RC3H2: variants seen among roughly 807,000 people sequenced by gnomAD.
RC3H2 encodes the protein ring finger and CCCH-type domains 2.
RC3H2 carries 31 observed loss-of-function variants against 133.3 expected under a neutral mutation model. The ratio of observed to expected loss-of-function variants is 0.23; its 90% CI spans 0.17 to 0.31. The LOEUF (loss-of-function observed/expected upper bound fraction) is 0.31, where lower values mean the gene tolerates loss of function less well. RC3H2 is among the 10% of genes least tolerant of loss of function. RC3H2 has a pLI of 1.00. For missense variants in RC3H2, 1,175 were observed against 1,437.2 expected (o/e 0.82, Z 2.95); for synonymous variants, 517 against 502.2 (o/e 1.03, Z -0.40).
chr9:122,890,329 C>T lies in RC3H2; in HGVS notation c.566G>A (p.Cys189Tyr). The change falls in exon 4 of 21, where the codon TGC becomes TAC. Residue 189 changes from cysteine to tyrosine, a missense_variant. Physicochemically the swap from Cys to Tyr is radical, Grantham distance 194 (BLOSUM62 -2). Around this residue, in one of 8 missense-constraint regions of RC3H2, gnomAD observed 121 missense variants for 243.5 expected, o/e 0.50. Coordinates refer to ENST00000357244, the MANE Select transcript of RC3H2 (RefSeq NM_001100588.3). Reference protein sequence around the residue: ...NLWAAVRARGCQFLGPAMQEE... With the variant: ...NLWAAVRARGYQFLGPAMQEE... ...TATCTTACCTGGCCCTAAAAACTGG[C>T]ATCCTCGAGCCCTGACAGCGGCCCA... 2 of 1,614,108 alleles carry T rather than the reference C, an allele frequency of 1.2e-6. No individual in the cohort carries two copies. The highest frequency in any genetic ancestry group is 1.7e-6 in the Non-Finnish European group (2 of 1,180,000).
chr9:122,848,646 T>G lies in RC3H2; in HGVS notation c.*981A>C, dbSNP rs534449913. 2.6e-5 allele frequency: 4 copies of G among 152,252 alleles called. No homozygotes were observed. The highest frequency in any genetic ancestry group is 2.6e-4 in the Admixed American group (4 of 15,296). The allele number at this position is 152,252 out of a possible 1,614,324, so 9.4% of individuals were successfully genotyped here. On this transcript the variant is annotated 3_prime_UTR_variant, in exon 21 of 21. Coordinates refer to ENST00000357244, the MANE Select transcript of RC3H2 (RefSeq NM_001100588.3). ...ATAATGCAATGAACAACCAAATTAATTAGTTTAAATTAAAAACCCAGCAAT... is the reference window on the plus strand; with the variant it reads ...ATAATGCAATGAACAACCAAATTAAGTAGTTTAAATTAAAAACCCAGCAAT...
chr9:122,862,897 A>C (rs1176504172), intron 10 of RC3H2, among the ~76,000 whole-genome samples: 1 of 151,970 alleles, frequency 6.6e-6, no homozygotes, highest in Non-Finnish European at 1.5e-5. Flanking sequence ...ATCTCAAAAA[A>C]AAAAAAAAAA....
rs1203719970 is a variant in RC3H2, at chr9:122,848,583, C to T, written c.*1044G>A. ...CAGTCAAAAAACAAGAAAAACTAAA[C>T]CCCAACATGAAGTAACAATAAACAA... On this transcript the variant is annotated 3_prime_UTR_variant, in exon 21 of 21. Transcript: ENST00000357244. The T allele has an allele frequency of 6.6e-6, 1 of 152,114 alleles. No homozygotes were observed. The allele number at this position is 152,114 out of a possible 1,614,324, so 9.4% of individuals were successfully genotyped here. A position where few individuals can be genotyped will look rare whatever the true frequency, so the allele number is the denominator to read the frequency against.
chr9:122,896,268 T>A (rs1450592146), intron 2 of RC3H2, among the ~76,000 whole-genome samples: 1 of 152,206 alleles, frequency 6.6e-6, no homozygotes, highest in South Asian at 2.1e-4. Flanking sequence ...CATTGGTTTT[T>A]GGTTTTCCAT....
chr9:122,861,133 T>C (rs1830439408), intron 10 of RC3H2, among the ~76,000 whole-genome samples: 1 of 152,194 alleles, frequency 6.6e-6, no homozygotes, highest in Non-Finnish European at 1.5e-5. Flanking sequence ...AAAAGAATTT[T>C]CTTGGTTGAG....
chr9:122,879,520 G>A (rs1217942796), intron 8 of RC3H2, among the ~76,000 whole-genome samples: 1 of 152,108 alleles, frequency 6.6e-6, no homozygotes, highest in Non-Finnish European at 1.5e-5. Context: ...ATCTACATTT[G>A]GTCAAAAATA....
At chr9:122,856,185 AAAGT>A (rs1198859916) in intron 13 of RC3H2, among the ~76,000 whole-genome samples, 2 of 152,196 alleles carry the variant, frequency 1.3e-5, no homozygotes, top group Admixed American at 6.5e-5. Flanking sequence ...AAGAAAAAAA[AAAGT>A]AAGAGAAAAC....
rs1481597917 is a variant in RC3H2, at chr9:122,905,351, T to A, written c.-309A>T. The A allele has an allele frequency of 1.1e-6, 1 of 934,244 alleles. No homozygotes were observed. The highest frequency in any genetic ancestry group is 1.3e-6 in the Non-Finnish European group (1 of 783,194). 57.9% of individuals were successfully genotyped at this position (934,244 alleles called of 1,614,324 possible). ...CTCCTCCTCACCACGGAGGCGGACC[T>A]GGAGGGATCCCGATCTAGCTCTCGC... On this transcript the variant is annotated 5_prime_UTR_variant, in exon 1 of 21. Transcript: ENST00000357244.
At chr9:122,892,686 C>T (rs1278657452) in intron 3 of RC3H2, among the ~76,000 whole-genome samples, 1 of 152,154 alleles carries the variant, frequency 6.6e-6, no homozygotes, top group African/African-American at 2.4e-5. Flanking sequence ...GCTGGGATTA[C>T]AGGGGTGAGC....
chr9:122,886,836 A>T (rs1466231409), intron 4 of RC3H2, among the ~76,000 whole-genome samples: 1 of 152,192 alleles, frequency 6.6e-6, no homozygotes, highest in African/African-American at 2.4e-5. Context: ...AGAAATGTCT[A>T]TTCAAGTTAT....
rs2131371572 is a variant in RC3H2, at chr9:122,845,010, C to A, written c.*4617G>T. On this transcript the variant is annotated 3_prime_UTR_variant, in exon 21 of 21. Coordinates refer to ENST00000357244, the MANE Select transcript of RC3H2 (RefSeq NM_001100588.3). ...AAATCCATCTTAGAGATGGTGCCTG[C>A]TTTTTACATGATGGGTGTACACCAT... 1 of 152,248 alleles carries A rather than the reference C, an allele frequency of 6.6e-6. No homozygotes were observed. 9.4% of individuals were successfully genotyped at this position (152,248 alleles called of 1,614,324 possible).
chr9:122,892,114 T>A (rs976905158), intron 3 of RC3H2, among the ~76,000 whole-genome samples: 4 of 137,804 alleles, frequency 2.9e-5, no homozygotes, highest in Admixed American at 2.2e-4. Context: ...CTCTGGTAAA[T>A]TTTTTTTTTT....
Position 122,846,536 on chromosome 9 carries a change from T to A in RC3H2, c.*3091A>T, listed in dbSNP as rs1407878832. 1 of 152,168 alleles carries A rather than the reference T, an allele frequency of 6.6e-6. No homozygotes were observed. The highest frequency in any genetic ancestry group is 1.5e-5 in the Non-Finnish European group (1 of 68,016). The allele number at this position is 152,168 out of a possible 1,614,324, so 9.4% of individuals were successfully genotyped here. A position where few individuals can be genotyped will look rare whatever the true frequency, so the allele number is the denominator to read the frequency against. ...AAAAAAACTGATGCTACAACCACAG[T>A]AACTGAATGCGGCACATGGATTTCA... On this transcript the variant is annotated 3_prime_UTR_variant, in exon 21 of 21. Transcript: ENST00000357244.
At chr9:122,896,709 T>C (rs1241456540) in intron 2 of RC3H2, among the ~76,000 whole-genome samples, 2 of 152,106 alleles carry the variant, frequency 1.3e-5, no homozygotes, top group Admixed American at 1.3e-4. Context: ...GCAAAAGTAA[T>C]TGCAGTTTTT....
At chr9:122,878,182 G>A (rs1165672957) in intron 8 of RC3H2, among the ~76,000 whole-genome samples, 2 of 152,202 alleles carry the variant, frequency 1.3e-5, no homozygotes, top group African/African-American at 2.4e-5. Flanking sequence ...AATATTTTAA[G>A]TTATAATATC....
chr9:122,873,636 C>T (rs1406770170), intron 9 of RC3H2: 2 of 151,776 alleles, frequency 1.3e-5, no homozygotes, highest in Non-Finnish European at 2.9e-5. Context: ...TCCCCTGAGC[C>T]TGGGAGGCAG....
chr9:122,852,296 C>T (rs1280505876), intron 18 of RC3H2, among the ~76,000 whole-genome samples: 2 of 151,364 alleles, frequency 1.3e-5, no homozygotes, highest in African/African-American at 2.4e-5. Flanking sequence ...AGCCTCTCCG[C>T]CCGGCAGCCG....
At chr9:122,856,521 C>A (rs978006134) in intron 13 of RC3H2, among the ~76,000 whole-genome samples, 3 of 152,128 alleles carry the variant, frequency 2.0e-5, no homozygotes, top group Non-Finnish European at 4.4e-5. Context: ...TTCCAAAGTG[C>A]TGGGATTATA....
intron 5 of RC3H2, among the ~76,000 whole-genome samples, chr9:122,882,797 G>A (rs1384108114): frequency 6.6e-6 from 1 of 152,194 alleles, no homozygotes; most frequent in Non-Finnish European, 1.5e-5. Context: ...GATTAAAGGT[G>A]TTAATCTAAT....
Sources: gnomAD v4.1 joint callset for allele counts (sites outside exome capture counted in the v4.1 genomes callset) on GRCh38, gnomAD v4.1.1 for gene constraint, gnomAD v4.1.1 regional missense constraint, MANE v1.5 for transcripts, NCBI Gene and HGNC (gene_info 2026-07-23, HGNC 2026-07-21) for gene names.